Variants in MYH15 observed in about 807,000 individuals in gnomAD.
MYH15 encodes the protein myosin heavy chain 15.
A neutral mutation model predicts 240.5 loss-of-function variants in MYH15; 227 were observed. That is an observed-to-expected ratio of 0.94 (90% CI 0.85 to 1.05). The LOEUF (loss-of-function observed/expected upper bound fraction) is 1.05, where lower values mean the gene tolerates loss of function less well. Among genes scored for constraint, MYH15 ranks in the 50% least tolerant of loss-of-function variants. MYH15 has a pLI of 0.00. For synonymous variants in MYH15, 785 were observed against 796.7 expected (o/e 0.99, Z 0.25); for missense variants, 2,217 against 2,247.5 (o/e 0.99, Z 0.27).
rs759888079 is a variant in MYH15 at position 108,414,327 on chromosome 3, G to A, written c.4050C>T (p.His1350=). 1 of 1,613,958 alleles carries A rather than the reference G, an allele frequency of 6.2e-7. No homozygotes were observed. Among genetic ancestry groups the A allele is most frequent in the Non-Finnish European group, 8.5e-7 (1 of 1,180,004 alleles). ...CAGCATTGACTTTGGATAAGGTCCG[G>A]TGCAGCTCAGCCTTGACCTCTTGTT... ...EEEQEVKAEL[H]RTLSKVNAEM... is the part of the protein sequence containing the mutation. Residue 1350 remains histidine (H), a synonymous_variant, in exon 30 of 41, where the codon CAC becomes CAT. Transcript: ENST00000693548.
At chr3:108,446,933 G>T (rs796461785) in intron 21 of MYH15, among the ~76,000 whole-genome samples, 2 of 151,840 alleles carry the variant, frequency 1.3e-5, no homozygotes, top group South Asian at 4.1e-4. Flanking sequence ...TCAAAACAAT[G>T]ATCTTAAAAA....
intron 1 of MYH15, among the ~76,000 whole-genome samples, chr3:108,527,086 A>C (rs2083678459): frequency 6.6e-6 from 1 of 152,160 alleles, no homozygotes; most frequent in Admixed American, 6.6e-5. Context: ...GCAGATTGCC[A>C]TGTGTCACTC....
chr3:108,469,203 G>T (rs1264339277), intron 14 of MYH15, among the ~76,000 whole-genome samples: 1 of 152,224 alleles, frequency 6.6e-6, no homozygotes, highest in South Asian at 2.1e-4. Context: ...GAGGTCAGTT[G>T]CCCTAGCTCC....
chr3:108,542,465 A>G, the MYH15 span, among the ~76,000 whole-genome samples: 1 of 152,176 alleles, frequency 6.6e-6, no homozygotes, highest in Non-Finnish European at 1.5e-5. Context: ...TAGTTGTAAT[A>G]ATGTGTGCAG....
chr3:108,545,728 A>G, the MYH15 span, among the ~76,000 whole-genome samples: 1 of 151,382 alleles, frequency 6.6e-6, no homozygotes, highest in Non-Finnish European at 1.5e-5. Flanking sequence ...AACAAATCTT[A>G]AAGATATTCA....
chr3:108,531,194 C>A (rs1332989513), upstream of MYH15, among the ~76,000 whole-genome samples: 1 of 152,018 alleles, frequency 6.6e-6, no homozygotes, highest in Non-Finnish European at 1.5e-5. Flanking sequence ...AAATGAGAAA[C>A]CTAAAACCAG....
At chr3:108,458,435 T>C (rs530855192) in intron 18 of MYH15, among the ~76,000 whole-genome samples, 4 of 152,310 alleles carry the variant, frequency 2.6e-5, no homozygotes, top group South Asian at 4.1e-4. Flanking sequence ...CATTGTTTTG[T>C]ATCACACTTT....
intron 25 of MYH15, among the ~76,000 whole-genome samples, chr3:108,435,523 T>A (rs1041834454): frequency 6.6e-5 from 10 of 152,028 alleles, no homozygotes; most frequent in Non-Finnish European, 1.5e-4. Context: ...TTCTATGAAT[T>A]CGATTATTTT....
chr3:108,424,022 T>A (rs2082707024), intron 27 of MYH15, among the ~76,000 whole-genome samples: 1 of 152,218 alleles, frequency 6.6e-6, no homozygotes, highest in South Asian at 2.1e-4. Context: ...GAGGAACATA[T>A]CCAGGTGTGA....
intron 5 of MYH15, among the ~76,000 whole-genome samples, chr3:108,498,562 T>G (rs906650671): frequency 6.6e-6 from 1 of 152,184 alleles, no homozygotes. Flanking sequence ...CACCAGGCAG[T>G]TGGGCTTTAG....
At chr3:108,465,881 C>T (rs1298094850) in intron 14 of MYH15, among the ~76,000 whole-genome samples, 3 of 152,152 alleles carry the variant, frequency 2.0e-5, no homozygotes, top group Non-Finnish European at 4.4e-5. Flanking sequence ...GAGCCCAAAT[C>T]ACACCATTGC....
At chr3:108,521,436 G>A (rs1329141305) in intron 1 of MYH15, among the ~76,000 whole-genome samples, 1 of 151,356 alleles carries the variant, frequency 6.6e-6, no homozygotes, top group East Asian at 1.9e-4. Context: ...ATAGGAAATA[G>A]TTCATGCGAT....
At chr3:108,501,971 G>T in intron 2 of MYH15, 116 bp from the exon 3 acceptor site, 1 of 1,095,288 alleles carries the variant, frequency 9.1e-7, no homozygotes, top group African/African-American at 1.6e-5. Flanking sequence ...CTCATTAGGG[G>T]ATGGGGCCAG....
chr3:108,458,239 G>C (rs1319571873), intron 18 of MYH15, among the ~76,000 whole-genome samples: 1 of 152,106 alleles, frequency 6.6e-6, no homozygotes, highest in African/African-American at 2.4e-5. Flanking sequence ...GACTCGATGG[G>C]AAGCAACTCT....
At position 108,501,705 on chromosome 3, in the gene MYH15, T is replaced by G; in HGVS notation, c.339+7A>C. On this transcript the variant is annotated splice_region_variant and intron_variant, in intron 3 of 40. Coordinates refer to ENST00000693548, the MANE Select transcript of MYH15 (RefSeq NM_014981.3). ...ATGACAGTTTAGCAGGAAAGCATAT[T>G]ACACACATAGATCATCCACTGGCCA... 1.9e-6 allele frequency: 3 copies of G among 1,613,978 alleles called. No individual in the cohort carries two copies. Among genetic ancestry groups the G allele is most frequent in the Middle Eastern group, 1.6e-4 (1 of 6,062 alleles).
intron 2 of MYH15, among the ~76,000 whole-genome samples, chr3:108,504,578 G>T (rs2107243069): frequency 6.6e-6 from 1 of 152,306 alleles, no homozygotes; most frequent in Non-Finnish European, 1.5e-5. Flanking sequence ...GTTACAGGAT[G>T]TGGCTTGTTA....
the MYH15 span, among the ~76,000 whole-genome samples, chr3:108,537,813 A>T: frequency 2.0e-5 from 3 of 152,212 alleles, no homozygotes; most frequent in Admixed American, 1.3e-4. Flanking sequence ...GGGGAAAAAC[A>T]AAGAAAAATA....
chr3:108,482,496 T>G (rs1238875296), intron 11 of MYH15, among the ~76,000 whole-genome samples: 2 of 152,160 alleles, frequency 1.3e-5, no homozygotes, highest in African/African-American at 4.8e-5. Context: ...CTTGTTTTTG[T>G]AATAAAAACC....
rs77564318 is a variant in MYH15, at chr3:108,456,110, C to G, written c.2139-251G>C. ...GATTGATTGCTCAATTAGGCAGGGG[C>G]AGGATTGGAAGAGGAAAGAGAGGGA... On this transcript the variant is annotated intron_variant, in intron 19 of 40. Coordinates refer to ENST00000693548, the MANE Select transcript of MYH15 (RefSeq NM_014981.3). 2.1e-4 allele frequency among the ~76,000 whole-genome samples: 32 copies of G among 152,018 alleles called. 1 individual carries two copies. In the East Asian group the frequency reaches 6.2e-3, roughly 29 times the overall value.
Sources: allele counts gnomAD v4.1 joint callset (sites outside exome capture counted in the v4.1 genomes callset), GRCh38; gene constraint gnomAD v4.1.1; transcripts MANE v1.5; gene names NCBI Gene and HGNC (gene_info 2026-07-23, HGNC 2026-07-21).